PDZRN4: variants seen among roughly 807,000 people sequenced by gnomAD.
PDZRN4 encodes PDZ domain containing ring finger 4.
A neutral mutation model predicts 99.0 loss-of-function variants in PDZRN4; 70 were observed. The ratio of observed to expected loss-of-function variants is 0.71; its 90% confidence interval spans 0.58 to 0.86. PDZRN4 has a LOEUF of 0.86. Among genes scored for constraint, PDZRN4 ranks in the 40% least tolerant of loss-of-function variants. PDZRN4 has a pLI of 0.00. For synonymous variants in PDZRN4, 551 were observed against 501.6 expected (o/e 1.10, Z -1.32); for missense variants, 1,474 against 1,331.2 (o/e 1.11, Z -1.67).
chr12:41,409,478 T>C (rs1411016954), intron 3 of PDZRN4: 1 of 152,230 alleles, frequency 6.6e-6, no homozygotes, highest in African/African-American at 2.4e-5. Flanking sequence ...CATTCTTAGA[T>C]GCATTTATTC....
At chr12:41,321,553 G>T (rs1321787921) in intron 3 of PDZRN4, among the ~76,000 whole-genome samples, 2 of 152,038 alleles carry the variant, frequency 1.3e-5, no homozygotes, top group African/African-American at 4.8e-5. Flanking sequence ...ATTTACCTCA[G>T]TTCCTAGAAA....
At chr12:41,337,871 A>G (rs796618886) in intron 3 of PDZRN4, among the ~76,000 whole-genome samples, 49 of 152,230 alleles carry the variant, frequency 3.2e-4, no homozygotes, top group African/African-American at 1.2e-3. Flanking sequence ...GGCCATCAAC[A>G]TAGATGACCT....
chr12:41,323,548 C>A (rs982193831), intron 3 of PDZRN4, among the ~76,000 whole-genome samples: 2 of 151,776 alleles, frequency 1.3e-5, no homozygotes, highest in African/African-American at 4.8e-5. Flanking sequence ...TTGTATTGTT[C>A]AGGCAAATAA....
At chr12:41,353,971 C>G (rs11180846) in intron 3 of PDZRN4, among the ~76,000 whole-genome samples, 58,590 of 151,784 alleles carry the variant, frequency 0.39, 11,412 homozygotes, top group African/African-American at 0.41. Context: ...CATTACCTAA[C>G]GGATACTTTA....
intron 3 of PDZRN4, among the ~76,000 whole-genome samples, chr12:41,255,312 A>G (rs1193722267): frequency 6.6e-6 from 1 of 152,214 alleles, no homozygotes; most frequent in Admixed American, 6.5e-5. Flanking sequence ...CAGAATATGT[A>G]AAGATTAATA....
At chr12:41,465,327 C>T (rs1952914480) in intron 3 of PDZRN4, among the ~76,000 whole-genome samples, 1 of 152,104 alleles carries the variant, frequency 6.6e-6, no homozygotes, top group African/African-American at 2.4e-5. Context: ...ATTTTGATAT[C>T]TAAACACATT....
rs184233415 is a variant in PDZRN4, at chr12:41,230,711, G to A, written c.843+36523G>A. Among the ~76,000 whole-genome samples, 271 of 151,916 alleles carry A rather than the reference G, an allele frequency of 1.8e-3. 4 individuals carry two copies. Among genetic ancestry groups the A allele is most frequent in the African/African-American group, 5.5e-3 (228 of 41,444 alleles). On this transcript the variant is annotated intron_variant, in intron 3 of 9. Coordinates refer to ENST00000402685, the MANE Select transcript of PDZRN4 (RefSeq NM_001164595.2). ...ATATCACTGCACTTGAAAATTTTTC[G>A]TCTTTTTTGAAGTCATTTGTTATTC...
intron 3 of PDZRN4, among the ~76,000 whole-genome samples, chr12:41,351,695 G>T (rs1027624397): frequency 6.6e-6 from 1 of 151,924 alleles, no homozygotes. Flanking sequence ...CTCCCACAAG[G>T]CCCCTCCTCC....
intron 3 of PDZRN4, among the ~76,000 whole-genome samples, chr12:41,490,540 A>G (rs1937864367): frequency 6.6e-6 from 1 of 152,000 alleles, no homozygotes; most frequent in African/African-American, 2.4e-5. Context: ...ACTCTATCTC[A>G]CATATTAATT....
chr12:41,243,147 G>C (rs917232036), intron 3 of PDZRN4, among the ~76,000 whole-genome samples: 3 of 152,166 alleles, frequency 2.0e-5, no homozygotes, highest in African/African-American at 7.2e-5. Flanking sequence ...AGTTTTCCTT[G>C]TATCTCTTCA....
chr12:41,547,500 C>T (rs1351641456), intron 5 of PDZRN4, among the ~76,000 whole-genome samples: 1 of 152,068 alleles, frequency 6.6e-6, no homozygotes, highest in Non-Finnish European at 1.5e-5. Context: ...GTGGCAGGCA[C>T]CTGTAATCCC....
chr12:41,434,824 G>C (rs769280447), intron 3 of PDZRN4, among the ~76,000 whole-genome samples: 1 of 152,022 alleles, frequency 6.6e-6, no homozygotes, highest in Non-Finnish European at 1.5e-5. Flanking sequence ...TTTTTATCCC[G>C]TATTATTATT....
chr12:41,461,057 C>T (rs1343130531), intron 3 of PDZRN4, among the ~76,000 whole-genome samples: 1 of 152,142 alleles, frequency 6.6e-6, no homozygotes, highest in Non-Finnish European at 1.5e-5. Flanking sequence ...GTAAAAAGTG[C>T]AGCAGTTTCC....
chr12:41,482,924 T>C (rs1379388330), intron 3 of PDZRN4, among the ~76,000 whole-genome samples: 2 of 152,104 alleles, frequency 1.3e-5, no homozygotes, highest in Non-Finnish European at 2.9e-5. Context: ...CAACCCTCAG[T>C]GTTTCAAGAA....
intron 3 of PDZRN4, among the ~76,000 whole-genome samples, chr12:41,197,778 A>G (rs950925105): frequency 3.3e-5 from 5 of 152,180 alleles, no homozygotes; most frequent in Admixed American, 3.3e-4. Context: ...AGGCATGACC[A>G]TTGCTGTAGT....
chr12:41,197,919 G>GTTTTTTTT (rs764851464), intron 3 of PDZRN4, among the ~76,000 whole-genome samples: 2 of 113,464 alleles, frequency 1.8e-5, no homozygotes, highest in African/African-American at 3.4e-5. Context: ...GTTTTTTCTG[G>GTTTTTTTT]GTTTTTTTTT....
At chr12:41,558,502 T>G (rs188835131) in intron 7 of PDZRN4, among the ~76,000 whole-genome samples, 243 of 152,324 alleles carry the variant, frequency 1.6e-3, no homozygotes, top group Middle Eastern at 3.4e-3. Flanking sequence ...TATTAAAATT[T>G]CATTCATTTG....
intron 3 of PDZRN4, among the ~76,000 whole-genome samples, chr12:41,418,163 A>G (rs971170379): frequency 9.2e-5 from 14 of 152,210 alleles, no homozygotes; most frequent in African/African-American, 3.4e-4. Context: ...TATAACTGAC[A>G]TTGACAAACA....
chr12:41,418,354 T>C (rs867066271), intron 3 of PDZRN4, among the ~76,000 whole-genome samples: 1 of 152,194 alleles, frequency 6.6e-6, no homozygotes, highest in African/African-American at 2.4e-5. Flanking sequence ...AAAGCATAAC[T>C]GGAAGAAATG....
Sources: allele counts gnomAD v4.1 joint callset (sites outside exome capture counted in the v4.1 genomes callset), GRCh38; gene constraint gnomAD v4.1.1; transcripts MANE v1.5; gene names NCBI Gene and HGNC (gene_info 2026-07-23, HGNC 2026-07-21).